Variants in STPG2 observed in about 807,000 individuals in gnomAD.
STPG2 encodes sperm-tail PG-rich repeat-containing protein 2.
STPG2 carries 56 observed loss-of-function variants against 54.2 expected under a neutral mutation model. The ratio of observed to expected loss-of-function variants is 1.03; its 90% CI spans 0.83 to 1.29. The LOEUF is 1.29. Among genes scored for constraint, STPG2 ranks in the 50% most tolerant of loss-of-function variants. STPG2 has a pLI of 0.00. For missense variants in STPG2, 596 were observed against 544.9 expected, an observed-to-expected ratio of 1.09 and a Z score of -0.93; for synonymous variants, 200 against 181.8, an observed-to-expected ratio of 1.10 and a Z score of -0.81.
chr4:97,967,316 T>G (rs1164162322), intron 7 of STPG2, among the ~76,000 whole-genome samples: 2 of 151,672 alleles, frequency 1.3e-5, no homozygotes, highest in African/African-American at 2.4e-5. Flanking sequence ...AAGAGCTAAC[T>G]ACCCTAAATA....
chr4:97,645,914 A>G (rs149183213), intron 10 of STPG2, among the ~76,000 whole-genome samples: 12 of 152,262 alleles, frequency 7.9e-5, no homozygotes, highest in African/African-American at 2.9e-4. Flanking sequence ...AGTATACTAC[A>G]AAAAGTTATC....
intron 8 of STPG2, among the ~76,000 whole-genome samples, chr4:97,875,307 T>C (rs911668202): frequency 4.0e-5 from 6 of 151,892 alleles, no homozygotes; most frequent in African/African-American, 1.4e-4. Context: ...CATAATTGTC[T>C]CTTTATATAC....
At chr4:97,735,211 G>GTT (rs1364878660) in intron 9 of STPG2, among the ~76,000 whole-genome samples, 2 of 151,576 alleles carry the variant, frequency 1.3e-5, no homozygotes, top group Admixed American at 6.6e-5. Flanking sequence ...TATATGCAGG[G>GTT]TTATATATAT....
At chr4:97,762,047 C>T (rs571625058) in intron 9 of STPG2, among the ~76,000 whole-genome samples, 14 of 152,230 alleles carry the variant, frequency 9.2e-5, no homozygotes, top group African/African-American at 3.1e-4. Flanking sequence ...GCTCAGTGTC[C>T]TTGAGTTTTC....
chr4:97,618,454 A>G (rs1484202734), intron 10 of STPG2, among the ~76,000 whole-genome samples: 1 of 152,194 alleles, frequency 6.6e-6, no homozygotes, highest in African/African-American at 2.4e-5. Flanking sequence ...TTAAGCCACA[A>G]AACATTTGAG....
At chr4:97,469,156 A>G (rs1331470976) in intron 4 of STPG2, among the ~76,000 whole-genome samples, 1 of 152,130 alleles carries the variant, frequency 6.6e-6, no homozygotes, top group Non-Finnish European at 1.5e-5. Context: ...CCACCATGGT[A>G]TTCAGGTAGT....
At chr4:97,736,820 C>A (rs1367787736) in intron 9 of STPG2, among the ~76,000 whole-genome samples, 3 of 152,220 alleles carry the variant, frequency 2.0e-5, no homozygotes, top group Non-Finnish European at 4.4e-5. Context: ...CCTCTGCAGA[C>A]TTAAATGTCC....
At chr4:97,463,224 C>A (rs1729708716) in intron 4 of STPG2, among the ~76,000 whole-genome samples, 1 of 152,080 alleles carries the variant, frequency 6.6e-6, no homozygotes, top group African/African-American at 2.4e-5. Context: ...ACCGATACCT[C>A]ACATTTACCT....
intron 4 of STPG2, among the ~76,000 whole-genome samples, chr4:97,468,694 T>C (rs1394961701): frequency 2.6e-5 from 4 of 152,150 alleles, no homozygotes; most frequent in African/African-American, 9.6e-5. Flanking sequence ...TCCTATGCCC[T>C]ATAAACACTA....
chr4:97,998,453 G>A (rs1213868073), intron 5 of STPG2, among the ~76,000 whole-genome samples: 1 of 152,054 alleles, frequency 6.6e-6, no homozygotes. Context: ...CACCCCAGCT[G>A]ATACGACATG....
chr4:97,717,743 C>T (rs12651460), intron 9 of STPG2, among the ~76,000 whole-genome samples: 68,233 of 151,914 alleles, frequency 0.45, 16,836 homozygotes, highest in South Asian at 0.62. Context: ...AATACAGTTT[C>T]TGTGTGAATT....
At chr4:97,599,314 G>A (rs1733391655) in intron 10 of STPG2, among the ~76,000 whole-genome samples, 1 of 152,184 alleles carries the variant, frequency 6.6e-6, no homozygotes, top group Non-Finnish European at 1.5e-5. Flanking sequence ...AATTAGTTAA[G>A]CCCTTGTGGA....
At chr4:97,671,200 T>A (rs994065819) in intron 10 of STPG2, among the ~76,000 whole-genome samples, 1 of 152,218 alleles carries the variant, frequency 6.6e-6, no homozygotes, top group African/African-American at 2.4e-5. Flanking sequence ...GATCAAAGGA[T>A]TCCACTAGAA....
intron 7 of STPG2, among the ~76,000 whole-genome samples, chr4:97,955,201 T>A (rs892414140): frequency 3.3e-5 from 5 of 149,476 alleles, no homozygotes; most frequent in African/African-American, 4.9e-5. Context: ...AAAAAAGTTG[T>A]AATACAGAAG....
At chr4:97,858,208 A>G (rs1349852401) in intron 8 of STPG2, among the ~76,000 whole-genome samples, 1 of 152,110 alleles carries the variant, frequency 6.6e-6, no homozygotes, top group Non-Finnish European at 1.5e-5. Flanking sequence ...ACAGAAATCC[A>G]AGCAGATTTA....
intron 1 of STPG2, among the ~76,000 whole-genome samples, chr4:98,135,378 A>G (rs890902338): frequency 2.6e-5 from 4 of 151,826 alleles, no homozygotes; most frequent in African/African-American, 4.8e-5. Context: ...AATGTCAAGA[A>G]TTATTTATTT....
At chr4:97,602,505 T>C (rs1733489970) in intron 10 of STPG2, among the ~76,000 whole-genome samples, 1 of 151,850 alleles carries the variant, frequency 6.6e-6, no homozygotes, top group African/African-American at 2.4e-5. Flanking sequence ...TTCTTGAATT[T>C]AAATAAAATG....
chr4:97,994,625 G>A (rs1041613233), intron 5 of STPG2, among the ~76,000 whole-genome samples: 7 of 152,100 alleles, frequency 4.6e-5, no homozygotes, highest in Non-Finnish European at 7.4e-5. Context: ...GCTGGTACAG[G>A]GGAGTATGTG....
At chr4:97,872,352 T>C (rs1379525729) in intron 8 of STPG2, among the ~76,000 whole-genome samples, 1 of 151,208 alleles carries the variant, frequency 6.6e-6, no homozygotes, top group African/African-American at 2.4e-5. Context: ...CTGTATCTAT[T>C]TGCAAATTAT....
Sources: allele counts gnomAD v4.1 joint callset (sites outside exome capture counted in the v4.1 genomes callset), GRCh38; gene constraint gnomAD v4.1.1; transcripts MANE v1.5; gene names NCBI Gene and HGNC (gene_info 2026-07-23, HGNC 2026-07-21).